The following SLC2A5 variants were observed in gnomAD, a reference collection of about 807,000 sequenced individuals.
SLC2A5 encodes the protein solute carrier family 2, facilitated glucose transporter member 5.
SLC2A5 carries 56 observed loss-of-function variants against 50.3 expected under a neutral mutation model. The ratio of observed to expected loss-of-function variants is 1.11; its 90% confidence interval spans 0.90 to 1.39. SLC2A5 has a LOEUF of 1.39. Among genes scored for constraint, SLC2A5 ranks in the 40% most tolerant of loss-of-function variants. The pLI, the probability that SLC2A5 is intolerant of heterozygous loss-of-function variation, is 0.00. For synonymous variants in SLC2A5, 269 were observed against 281.9 expected, an observed-to-expected ratio of 0.95 and a Z score of 0.46; for missense variants, 566 against 650.1, an observed-to-expected ratio of 0.87 and a Z score of 1.41.
intron 1 of SLC2A5, among the ~76,000 whole-genome samples, chr1:9,068,455 T>A: frequency 6.7e-6 from 1 of 149,772 alleles, no homozygotes. Flanking sequence ...CACTCTTTTT[T>A]TTTTTTTTTT....
At chr1:9,082,880 CAA>C (rs35170455) in intron 2 of SLC2A5, 610 of 136,708 alleles carry the variant, frequency 4.5e-3, no homozygotes, top group South Asian at 0.014. Flanking sequence ...GCAAACAGGA[CAA>C]AAAAAAAAAA....
rs181847037 is a variant in SLC2A5, at chr1:9,082,138, T to C, written c.-59+2876A>G. ...GAATGTGGAGAAATTAGAACACTTGTACCTTGCCGATGGGAATGTAAAATG... is the reference window on the plus strand; with the variant it reads ...GAATGTGGAGAAATTAGAACACTTGCACCTTGCCGATGGGAATGTAAAATG... On this transcript the variant is annotated intron_variant, in intron 2 of 5. Coordinates refer to the SLC2A5 transcript ENST00000464985. Among the ~76,000 whole-genome samples, 267 of 152,248 alleles carry C rather than the reference T, an allele frequency of 1.8e-3. 2 individuals are homozygous for C. The highest frequency in any genetic ancestry group is 5.9e-3 in the African/African-American group (247 of 41,538).
At chr1:9,054,159 G>A (rs1221253735) in intron 3 of SLC2A5, among the ~76,000 whole-genome samples, 29 of 152,202 alleles carry the variant, frequency 1.9e-4, no homozygotes, top group Non-Finnish European at 7.4e-5. Flanking sequence ...GGAGAAAATC[G>A]GGGAGGGGCA....
Position 9,067,495 on chromosome 1 carries a change from G to A in SLC2A5, c.33+2009C>T, listed in dbSNP as rs190246477. Among the ~76,000 whole-genome samples, 176 of 152,370 alleles carry A rather than the reference G, an allele frequency of 1.2e-3. 2 individuals carry two copies. The highest frequency in any genetic ancestry group is 5.7e-3 in the Admixed American group (87 of 15,308). ...GCTGGACTTGGTGGACGTGGGGAAC[G>A]TGGCAGTTGTGCCTTTCTCTGGACA... On this transcript the variant is annotated intron_variant, in intron 1 of 11. Transcript: ENST00000377424.
At position 9,037,451 on chromosome 1, in the gene SLC2A5, G is replaced by A. The variant is rs1468809086; in HGVS notation, c.*135C>T. 8 of 734,732 alleles carry A rather than the reference G, an allele frequency of 1.1e-5. No individual in the cohort carries two copies. Among genetic ancestry groups the A allele is most frequent in the Non-Finnish European group, 1.4e-5 (6 of 432,784 alleles). The allele number at this position is 734,732 out of a possible 1,614,324, so 45.5% of individuals were successfully genotyped here. On this transcript the variant is annotated 3_prime_UTR_variant, in exon 12 of 12. Transcript: ENST00000377424. Reference sequence around the variant, plus strand: ...TTTGCACAGTTCCCACTGGGGTGGGGAGGCTGGAGATGAGGACTGCATTCC... The same window carrying A: ...TTTGCACAGTTCCCACTGGGGTGGGAAGGCTGGAGATGAGGACTGCATTCC...
intron 8 of SLC2A5, 129 bp from the exon 9 acceptor site, chr1:9,039,058 T>G (rs1641219503): frequency 1.8e-6 from 2 of 1,105,220 alleles, no homozygotes; most frequent in African/African-American, 1.6e-5. Context: ...ACACTCACAT[T>G]CACATGTGCA....
rs528442367 is a variant in SLC2A5, at chr1:9,040,538, C to T, written c.572-349G>A. 9 of 241,468 alleles carry T rather than the reference C, an allele frequency of 3.7e-5. No homozygotes were observed. The South Asian group carries it at 6.7e-4, about 18-fold the overall frequency. 15.0% of individuals were successfully genotyped at this position (241,468 alleles called of 1,614,324 possible). On this transcript the variant is annotated intron_variant, in intron 5 of 11. Transcript: ENST00000377424. This position sits in a 1 kb window ranked among gnomAD's most constrained non-coding sequence, Gnocchi z 4.3. ...CAACTGCCCACTCCCAGCTCTATGC[C>T]CAGAGAAGCCAGGCCACCAGGATGC...
chr1:9,047,503 C>T, intron 4 of SLC2A5, 107 bp downstream of exon 4: 1 of 1,219,680 alleles, frequency 8.2e-7, no homozygotes, highest in East Asian at 2.5e-5. Flanking sequence ...TATAGGAACG[C>T]TTTCTACACG....
At chr1:9,084,457 G>C (rs999346705) in intron 2 of SLC2A5, among the ~76,000 whole-genome samples, 3 of 152,172 alleles carry the variant, frequency 2.0e-5, no homozygotes, top group Non-Finnish European at 2.9e-5. Flanking sequence ...TCTGGCAAAG[G>C]TGTCAAAAGC....
the SLC2A5 span, among the ~76,000 whole-genome samples, chr1:9,093,910 G>T: frequency 6.6e-6 from 1 of 152,114 alleles, no homozygotes; most frequent in African/African-American, 2.4e-5. Flanking sequence ...AAGCTGACAT[G>T]CTGGTCGGCA....
In SLC2A5 at chr1:9,041,855, C is replaced by T. The variant is rs1479973652; in HGVS notation, c.501G>A (p.Gln167=). Residue 167 remains glutamine, a synonymous_variant, in exon 5 of 12, where the codon CAG becomes CAA. Transcript: ENST00000377424. ...CAAGGATGCCAACAGTGATGAAGAG[C>T]TGGGGCACCACCCCGAGAGCCCCCC... The part of the protein sequence containing the change: ...NLRGALGVVP[Q]LFITVGILVA... 3.7e-6 allele frequency: 6 copies of T among 1,613,898 alleles called. No homozygotes were observed. The African/African-American group carries it at 8.0e-5, about 22-fold the overall frequency.
chr1:9,039,962 G>A lies in SLC2A5; in HGVS notation c.723C>T (p.Asp241=). 6.2e-7 allele frequency: 1 copy of A among 1,612,466 alleles called. No individual in the cohort carries two copies. Among genetic ancestry groups the A allele is most frequent in the Non-Finnish European group, 8.5e-7 (1 of 1,179,424 alleles). ...KKALQTLRGW[D]SVDREVAEIR... is the part of the protein sequence containing the mutation. ...TCTCGGCCACCTCCCTGTCCACAGA[G>A]TCCCAGCCGCGCAGCGTCTGTAGGG... The change falls in exon 7 of 12, where the codon GAC becomes GAT. Residue 241 remains aspartate, a synonymous_variant. Transcript: ENST00000377424.
intron 4 of SLC2A5, among the ~76,000 whole-genome samples, chr1:9,044,984 G>T (rs567739740): frequency 6.6e-6 from 1 of 152,322 alleles, no homozygotes; most frequent in South Asian, 2.1e-4. Context: ...TTCTCAAGCC[G>T]TGATCTGAGG....
At chr1:9,063,485 G>A (rs1352921737) in intron 1 of SLC2A5, among the ~76,000 whole-genome samples, 3 of 151,816 alleles carry the variant, frequency 2.0e-5, no homozygotes, top group African/African-American at 7.3e-5. Flanking sequence ...CAATTCTCCT[G>A]CCTCAGCCTC....
chr1:9,090,791 T>C (rs896682433), upstream of SLC2A5, among the ~76,000 whole-genome samples: 5 of 152,220 alleles, frequency 3.3e-5, no homozygotes, highest in Admixed American at 6.5e-5. Context: ...TCACTATTTC[T>C]GTCAGGCACT....
chr1:9,076,156 A>G (rs1162333166), intron 2 of SLC2A5, among the ~76,000 whole-genome samples: 1 of 151,642 alleles, frequency 6.6e-6, no homozygotes, highest in African/African-American at 2.4e-5. Context: ...GGGTTTCGCC[A>G]TGTTGGCCAG....
upstream of SLC2A5, among the ~76,000 whole-genome samples, chr1:9,071,290 A>G (rs762520465): frequency 6.6e-5 from 10 of 152,120 alleles, no homozygotes; most frequent in Non-Finnish European, 1.0e-4. Context: ...GACGCCTGTA[A>G]TCCCAGCTAC....
chr1:9,075,425 A>G (rs1642271972), intron 2 of SLC2A5, among the ~76,000 whole-genome samples: 1 of 152,090 alleles, frequency 6.6e-6, no homozygotes, highest in East Asian at 1.9e-4. Flanking sequence ...TCTTCTGCTG[A>G]TACCGCCCGT....
At position 9,039,811 on chromosome 1, in the gene SLC2A5, C is replaced by A; in HGVS notation, c.874G>T (p.Gly292Cys). 6.3e-7 allele frequency: 1 copy of A among 1,592,424 alleles called. No homozygotes were observed. The highest frequency in any genetic ancestry group is 8.5e-7 in the Non-Finnish European group (1 of 1,170,482). Residue 292 changes from glycine to cysteine, a missense_variant, in exon 7 of 12, where the codon GGC (glycine) becomes TGC (cysteine). Physicochemically the swap from Gly to Cys is radical, Grantham distance 159. Transcript: ENST00000377424. ...IVLMGGQQLSGVNAIYYYADQ... is the reference protein window; with the variant it reads ...IVLMGGQQLSCVNAIYYYADQ... ...AGCCCGGCCCATACAGCGTTGACGC[C>A]CGACAGCTGCTGGCCGCCCATGAGG...
Sources: allele counts gnomAD v4.1 joint callset (sites outside exome capture counted in the v4.1 genomes callset), GRCh38; gene constraint gnomAD v4.1.1; non-coding constraint Gnocchi (gnomAD v3.1); transcripts MANE v1.5; gene names NCBI Gene and HGNC (gene_info 2026-07-23, HGNC 2026-07-21).